Variants in RASEF observed in about 807,000 individuals in gnomAD.
RASEF encodes ras and EF-hand domain-containing protein.
RASEF carries 68 observed loss-of-function variants against 90.1 expected under a neutral mutation model. The observed-to-expected ratio is 0.75, with a 90% CI of 0.62 to 0.92. The LOEUF (loss-of-function observed/expected upper bound fraction) is 0.92. Ranked by LOEUF, RASEF falls within the 40% of genes least tolerant of loss-of-function variation. The pLI is 0.00. For synonymous variants in RASEF, 331 were observed against 345.2 expected (o/e 0.96, Z 0.46); for missense variants, 949 against 937.2 (o/e 1.01, Z -0.16).
the RASEF span, among the ~76,000 whole-genome samples, chr9:83,135,184 T>C: frequency 6.6e-6 from 1 of 152,058 alleles, no homozygotes; most frequent in African/African-American, 2.4e-5. Context: ...CACAACTCTA[T>C]GAATATACTA....
In RASEF at chr9:83,052,975, A is replaced by G. The variant is rs1470271548; in HGVS notation, c.431+9462T>C. Among the ~76,000 whole-genome samples, 89 of 137,266 alleles carry G rather than the reference A, an allele frequency of 6.5e-4. 1 individual carries two copies. The highest frequency in any genetic ancestry group is 2.5e-3 in the African/African-American group (84 of 33,678). 90.1% of individuals were successfully genotyped at this position (137,266 alleles called of 152,430 possible). On this transcript the variant is annotated intron_variant, in intron 1 of 16. Transcript: ENST00000376447. ...AGCTTTACTTCCAAGTATGTGGTCA[A>G]TTTTGGAATAGGTGTGGTGTGGTGC...
chr9:83,158,724 A>ATATATTTATGTACATATACATATATGTC, the RASEF span, among the ~76,000 whole-genome samples: 1 of 149,278 alleles, frequency 6.7e-6, no homozygotes, highest in African/African-American at 2.4e-5. Flanking sequence ...ACATATATGT[A>ATATATTTATGTACATATACATATATGTC]TATATTTATG....
At chr9:83,208,465 G>T in the RASEF span, among the ~76,000 whole-genome samples, 2 of 152,170 alleles carry the variant, frequency 1.3e-5, no homozygotes, top group African/African-American at 4.8e-5. Context: ...GGTGGGCTCT[G>T]CCCAGTCTCC....
At chr9:83,076,056 T>C in the RASEF span, among the ~76,000 whole-genome samples, 365 of 151,804 alleles carry the variant, frequency 2.4e-3, 1 homozygote, top group African/African-American at 7.7e-3. Flanking sequence ...TAATCCCAGC[T>C]ACTCTGGAGG....
At chr9:83,097,379 C>T in the RASEF span, among the ~76,000 whole-genome samples, 2 of 152,300 alleles carry the variant, frequency 1.3e-5, no homozygotes, top group East Asian at 1.9e-4. Context: ...AAAGCAATGG[C>T]AACAGCAGCC....
upstream of RASEF, among the ~76,000 whole-genome samples, chr9:83,064,052 T>C (rs577482478): frequency 6.6e-6 from 1 of 152,344 alleles, no homozygotes; most frequent in African/African-American, 2.4e-5. Flanking sequence ...TGACTCTGTA[T>C]TTTTCTTTTA....
chr9:83,198,012 A>C, the RASEF span, among the ~76,000 whole-genome samples: 1 of 152,220 alleles, frequency 6.6e-6, no homozygotes, highest in Non-Finnish European at 1.5e-5. Flanking sequence ...TAATGTGTAC[A>C]TCTCCTCGAT....
chr9:83,032,983 A>G (rs1326729911), intron 1 of RASEF, among the ~76,000 whole-genome samples: 1 of 152,194 alleles, frequency 6.6e-6, no homozygotes, highest in East Asian at 1.9e-4. Flanking sequence ...TTCACTCCAC[A>G]TTAAGAAACA....
chr9:83,187,409 T>C, the RASEF span, among the ~76,000 whole-genome samples: 2 of 152,194 alleles, frequency 1.3e-5, no homozygotes, highest in African/African-American at 4.8e-5. Flanking sequence ...CTTTTGTTTT[T>C]TAAATCTTCT....
At chr9:83,186,145 C>CA in the RASEF span, among the ~76,000 whole-genome samples, 1 of 152,106 alleles carries the variant, frequency 6.6e-6, no homozygotes, top group Admixed American at 6.6e-5. Context: ...ATTTTATTTA[C>CA]AAAAACAAGT....
chr9:83,192,175 T>C, the RASEF span, among the ~76,000 whole-genome samples: 1 of 152,182 alleles, frequency 6.6e-6, no homozygotes, highest in Non-Finnish European at 1.5e-5. Context: ...AAAACAGAAC[T>C]ACTGTTCAAC....
intron 15 of RASEF, among the ~76,000 whole-genome samples, chr9:82,991,161 T>C (rs775466534): frequency 1.3e-5 from 2 of 152,142 alleles, no homozygotes; most frequent in Non-Finnish European, 2.9e-5. Context: ...CTTCCTCTAA[T>C]TCTCCAGTGT....
chr9:83,101,557 G>T, the RASEF span, among the ~76,000 whole-genome samples: 1 of 152,218 alleles, frequency 6.6e-6, no homozygotes, highest in Admixed American at 6.5e-5. Context: ...CATTTGAGAA[G>T]TTAATATATA....
At chr9:83,153,375 A>T in the RASEF span, among the ~76,000 whole-genome samples, 5 of 152,306 alleles carry the variant, frequency 3.3e-5, no homozygotes, top group Admixed American at 6.5e-5. Context: ...TACTGCTTAT[A>T]TGAAATTTCT....
Position 82,998,358 on chromosome 9 carries a change from C to T in RASEF, c.1805+7G>A. ...GGATATCCCATAGCGCTGCGGAATG[C>T]ACTTGCCTCTCCTGACCAGCTGTAT... is the stretch of plus-strand genomic sequence containing the variant. On this transcript the variant is annotated splice_region_variant and intron_variant, in intron 13 of 16. Coordinates refer to ENST00000376447, the MANE Select transcript of RASEF (RefSeq NM_152573.4). The T allele has an allele frequency of 6.3e-7, 1 of 1,596,542 alleles. No homozygotes were observed. Among genetic ancestry groups the T allele is most frequent in the Non-Finnish European group, 8.6e-7 (1 of 1,164,122 alleles).
the RASEF span, among the ~76,000 whole-genome samples, chr9:83,164,347 G>GTGTGCATATATATATA: frequency 7.7e-6 from 1 of 129,988 alleles, no homozygotes; most frequent in Non-Finnish European, 1.6e-5. Flanking sequence ...GTATATGTGT[G>GTGTGCATATATATATA]TATATATATA....
chr9:83,113,385 A>C, the RASEF span, among the ~76,000 whole-genome samples: 3 of 152,222 alleles, frequency 2.0e-5, no homozygotes. Context: ...AATTGATTGT[A>C]AAACATGTGT....
At chr9:83,128,025 CTTTTTT>C in the RASEF span, among the ~76,000 whole-genome samples, 331 of 134,706 alleles carry the variant, frequency 2.5e-3, 1 homozygote, top group African/African-American at 8.6e-3. Context: ...TTTTTCTTTT[CTTTTTT>C]TTTTTTTTTG....
the RASEF span, among the ~76,000 whole-genome samples, chr9:83,191,035 A>C: frequency 6.6e-6 from 1 of 152,336 alleles, no homozygotes; most frequent in African/African-American, 2.4e-5. Flanking sequence ...ACATCTTTAG[A>C]GACATTCTTA....
Sources: allele counts gnomAD v4.1 joint callset (sites outside exome capture counted in the v4.1 genomes callset), GRCh38; gene constraint gnomAD v4.1.1; transcripts MANE v1.5; gene names NCBI Gene and HGNC (gene_info 2026-07-23, HGNC 2026-07-21).